Variants in PUS10 observed in about 807,000 individuals in gnomAD.
The protein encoded by PUS10 is tRNA pseudouridine synthase Pus10.
PUS10 carries 59 observed loss-of-function variants against 75.0 expected under a neutral mutation model. That is an observed-to-expected ratio of 0.79 (90% CI 0.64 to 0.98). PUS10 has a LOEUF of 0.98. Ranked by LOEUF, PUS10 falls within the 50% of genes least tolerant of loss-of-function variation. The probability of loss-of-function intolerance (pLI) is 0.00; values close to 1 mark genes in which losing one functional copy is unlikely to be tolerated. For synonymous variants in PUS10, 219 were observed against 211.6 expected (o/e 1.03, Z -0.30); for missense variants, 650 against 614.4 (o/e 1.06, Z -0.61).
intron 4 of PUS10, among the ~76,000 whole-genome samples, chr2:60,991,216 A>G (rs747177308): frequency 6.6e-6 from 1 of 152,180 alleles, no homozygotes; most frequent in Non-Finnish European, 1.5e-5. Context: ...AAACTAAAGG[A>G]TATTCTTCAT....
At chr2:61,009,858 T>A (rs541176400) in intron 2 of PUS10, 14 of 152,266 alleles carry the variant, frequency 9.2e-5, no homozygotes, top group South Asian at 2.1e-4. Flanking sequence ...CAAATTTAAA[T>A]CCATTTTATT....
chr2:61,008,944 T>C lies in PUS10; in HGVS notation c.198A>G (p.Pro66=), dbSNP rs1193115773. ...KDELILEVMN[P]PPKKIRLQEL... ...CTTGCAGTCGAATTTTCTTGGGAGG[T>C]GGGTTCATAACTTCCAAAATTAATT... The change falls in exon 3 of 18, where the codon CCA becomes CCG. Residue 66 remains proline (P), a synonymous_variant. Coordinates refer to ENST00000316752, the MANE Select transcript of PUS10 (RefSeq NM_144709.4). 6.2e-7 allele frequency: 1 copy of C among 1,613,374 alleles called. No individual in the cohort carries two copies. The highest frequency in any genetic ancestry group is 8.5e-7 in the Non-Finnish European group (1 of 1,179,626).
At chr2:60,972,569 C>T (rs1344085304) in intron 4 of PUS10, among the ~76,000 whole-genome samples, 1 of 152,202 alleles carries the variant, frequency 6.6e-6, no homozygotes, top group Non-Finnish European at 1.5e-5. Context: ...CCACAGCTTT[C>T]ACCTTAAAGA....
intron 4 of PUS10, among the ~76,000 whole-genome samples, chr2:60,988,295 T>C (rs558397662): frequency 6.6e-6 from 1 of 152,280 alleles, no homozygotes; most frequent in Non-Finnish European, 1.5e-5. Flanking sequence ...TAGGTGTAAA[T>C]TCTAATATTA....
chr2:60,955,120 C>A (rs561409372), intron 11 of PUS10, 46 bp from the exon 12 acceptor site: 2 of 1,227,080 alleles, frequency 1.6e-6, no homozygotes, highest in Admixed American at 4.0e-5. Context: ...CATCATAGCT[C>A]TAAGATATTC....
At chr2:60,983,422 T>C (rs1365394816) in intron 4 of PUS10, among the ~76,000 whole-genome samples, 1 of 152,136 alleles carries the variant, frequency 6.6e-6, no homozygotes, top group African/African-American at 2.4e-5. Flanking sequence ...CTCACGCCTG[T>C]AATCCCAGCA....
intron 8 of PUS10, among the ~76,000 whole-genome samples, chr2:60,964,448 GCAC>G (rs1031081641): frequency 6.6e-6 from 1 of 152,048 alleles, no homozygotes; most frequent in African/African-American, 2.4e-5. Flanking sequence ...GACCAATATC[GCAC>G]CACATCATTC....
chr2:60,954,299 A>G (rs1455285274), intron 12 of PUS10, 141 bp from the exon 13 acceptor site: 7 of 702,112 alleles, frequency 1.0e-5, no homozygotes, highest in Non-Finnish European at 1.7e-5. Context: ...CATCTGAGGG[A>G]GGGAAGAATG....
intron 4 of PUS10, among the ~76,000 whole-genome samples, chr2:60,993,934 C>T (rs1342688538): frequency 1.3e-5 from 2 of 151,962 alleles, no homozygotes; most frequent in African/African-American, 4.8e-5. Context: ...GGACTACAGG[C>T]GCCTGCCACC....
At chr2:60,961,786 G>A (rs951593450) in intron 9 of PUS10, among the ~76,000 whole-genome samples, 2 of 152,104 alleles carry the variant, frequency 1.3e-5, no homozygotes, top group African/African-American at 4.8e-5. Flanking sequence ...TATCTTCCGA[G>A]GCAAAAACTG....
chr2:60,961,051 A>G (rs529420204), intron 10 of PUS10, among the ~76,000 whole-genome samples: 4 of 152,308 alleles, frequency 2.6e-5, no homozygotes, highest in East Asian at 1.9e-4. Context: ...TCAATGAACA[A>G]TTTCTTTCCA....
In PUS10 at chr2:61,010,565, T is replaced by A. The variant is rs190309167; in HGVS notation, c.126+1200A>T. 5.6e-5 allele frequency: 21 copies of A among 378,082 alleles called. No homozygotes were observed. In the Admixed American group the frequency reaches 7.6e-4, roughly 14 times the overall value. The allele number at this position is 378,082 out of a possible 1,614,324, so 23.4% of individuals were successfully genotyped here. A position where few individuals can be genotyped will look rare whatever the true frequency, so the allele number is the denominator to read the frequency against. On this transcript the variant is annotated intron_variant, in intron 2 of 17. Coordinates refer to ENST00000316752, the MANE Select transcript of PUS10 (RefSeq NM_144709.4). ...TGGTCTTGAACCCCTGACCTCGTGA[T>A]CCACCCGCCTCGGCCTCCCAAAGTG...
intron 4 of PUS10, among the ~76,000 whole-genome samples, chr2:60,986,214 T>A (rs1677716159): frequency 6.6e-6 from 1 of 152,186 alleles, no homozygotes; most frequent in Non-Finnish European, 1.5e-5. Flanking sequence ...AATTACAAAT[T>A]TGGTTTTATC....
intron 5 of PUS10, among the ~76,000 whole-genome samples, chr2:60,969,143 T>C (rs1204752041): frequency 6.6e-6 from 1 of 152,226 alleles, no homozygotes; most frequent in African/African-American, 2.4e-5. Flanking sequence ...TAAAACATTA[T>C]TTAAGAAAAC....
intron 16 of PUS10, among the ~76,000 whole-genome samples, chr2:60,947,553 G>C (rs1399773775): frequency 6.6e-6 from 1 of 152,194 alleles, no homozygotes; most frequent in Non-Finnish European, 1.5e-5. Flanking sequence ...ATTTAGGCCA[G>C]GCGCGGTGGC....
chr2:60,993,425 C>A (rs1678242396), intron 4 of PUS10, among the ~76,000 whole-genome samples: 2 of 151,754 alleles, frequency 1.3e-5, no homozygotes, highest in South Asian at 4.1e-4. Context: ...CCACTGCACT[C>A]CAGCCTGGGA....
chr2:60,993,136 T>A (rs1258789939), intron 4 of PUS10, among the ~76,000 whole-genome samples: 1 of 151,550 alleles, frequency 6.6e-6, no homozygotes, highest in Non-Finnish European at 1.5e-5. Context: ...TCAACTAGGG[T>A]TTTTTACATC....
chr2:60,960,581 A>G, intron 10 of PUS10, 64 bp from the exon 11 acceptor site: 1 of 1,470,344 alleles, frequency 6.8e-7, no homozygotes, highest in South Asian at 1.4e-5. Context: ...GGATAAAAAG[A>G]GAAGCAACAA....
Position 61,011,803 on chromosome 2 carries a change from C to G in PUS10, c.88G>C (p.Gly30Arg), listed in dbSNP as rs1464275346. ...TCPRCIFRFC[G>R]VDFHAPYKLP... ...TTGTAAGGTGCATGAAAATCCACAC[C>G]ACAGAATCTGAAGATACATCTTGGA... is the stretch of plus-strand genomic sequence containing the variant. Residue 30 changes from glycine (G) to arginine (R), a missense_variant, in exon 2 of 18, where the codon GGT becomes CGT. Transcript: ENST00000316752. The G allele has an allele frequency of 1.2e-6, 2 of 1,608,142 alleles. No individual in the cohort carries two copies. Among genetic ancestry groups the G allele is most frequent in the Middle Eastern group, 3.3e-4 (2 of 6,044 alleles).
Sources: allele counts gnomAD v4.1 joint callset (sites outside exome capture counted in the v4.1 genomes callset), GRCh38; gene constraint gnomAD v4.1.1; transcripts MANE v1.5; gene names NCBI Gene and HGNC (gene_info 2026-07-23, HGNC 2026-07-21).